NEGR1: variants seen among roughly 807,000 people sequenced by gnomAD.
NEGR1 encodes the protein IgLON family member 4.
In NEGR1, 10 loss-of-function variants were observed where a neutral mutation model predicts 40.9. The ratio of observed to expected loss-of-function variants is 0.24; its 90% CI spans 0.15 to 0.42. NEGR1 has a LOEUF of 0.42. Ranked by LOEUF, NEGR1 falls within the 10% of genes least tolerant of loss-of-function variation. The pLI, the probability that NEGR1 is intolerant of heterozygous loss-of-function variation, is 1.00. For synonymous variants in NEGR1, 185 were observed against 166.8 expected, an observed-to-expected ratio of 1.11 and a Z score of -0.84; for missense variants, 352 against 438.9, an observed-to-expected ratio of 0.80 and a Z score of 1.77.
chr1:71,706,829 T>C (rs1653917040), intron 3 of NEGR1, among the ~76,000 whole-genome samples: 1 of 151,912 alleles, frequency 6.6e-6, no homozygotes, highest in Non-Finnish European at 1.5e-5. Context: ...CACTGGGCCC[T>C]GAATAACCAG....
At chr1:71,685,373 A>G (rs1401017114) in intron 4 of NEGR1, among the ~76,000 whole-genome samples, 1 of 141,316 alleles carries the variant, frequency 7.1e-6, no homozygotes, top group African/African-American at 2.6e-5. Flanking sequence ...CCCAGGCTGG[A>G]GTGCAATGGC....
chr1:71,744,135 T>C (rs1655304822), intron 3 of NEGR1, among the ~76,000 whole-genome samples: 1 of 152,006 alleles, frequency 6.6e-6, no homozygotes. Context: ...TTATTTAGTA[T>C]TATTTATTTT....
At position 71,398,714 on chromosome 1, in the gene NEGR1, G is replaced by T. The variant is rs1408626570; in HGVS notation, c.*8732C>A. On this transcript the variant is annotated 3_prime_UTR_variant, in exon 7 of 7. Transcript: ENST00000357731. ...AGCATGATTGGTTTTGAAATGTGAG[G>T]ACATGAGATTTGGGAGGGACCAGGG... 6.6e-6 allele frequency: 1 copy of T among 152,186 alleles called. No individual in the cohort carries two copies. Among genetic ancestry groups the T allele is most frequent in the Non-Finnish European group, 1.5e-5 (1 of 68,050 alleles). The allele number at this position is 152,186 out of a possible 1,614,324, so 9.4% of individuals were successfully genotyped here. A position where few individuals can be genotyped will look rare whatever the true frequency, so the allele number is the denominator to read the frequency against.
chr1:72,187,552 C>T (rs74322741), intron 1 of NEGR1, among the ~76,000 whole-genome samples: 2,221 of 151,474 alleles, frequency 0.015, 49 homozygotes, highest in African/African-American at 0.05. Flanking sequence ...AGTTGCTCTA[C>T]TTTCTTTTTC....
intron 2 of NEGR1, among the ~76,000 whole-genome samples, chr1:71,855,854 TG>T (rs376165920): frequency 1.3e-5 from 2 of 151,996 alleles, no homozygotes; most frequent in Non-Finnish European, 2.9e-5. Context: ...GAGCACCTTA[TG>T]TTGGAGTATG....
At chr1:71,873,063 C>T (rs1378875517) in intron 2 of NEGR1, among the ~76,000 whole-genome samples, 2 of 137,298 alleles carry the variant, frequency 1.5e-5, no homozygotes, top group Non-Finnish European at 3.0e-5. Flanking sequence ...AATTCCTAAA[C>T]TGGAAAACGG....
chr1:71,457,929 C>T (rs886816593), intron 6 of NEGR1, among the ~76,000 whole-genome samples: 1 of 152,176 alleles, frequency 6.6e-6, no homozygotes, highest in African/African-American at 2.4e-5. Flanking sequence ...GTCTTGATCT[C>T]GTGACCTCGT....
chr1:71,790,904 T>A (rs932047987), intron 2 of NEGR1, among the ~76,000 whole-genome samples: 2 of 151,820 alleles, frequency 1.3e-5, no homozygotes, highest in African/African-American at 4.8e-5. Context: ...AAAAATGAGA[T>A]CTGAGGGAGG....
intron 1 of NEGR1, among the ~76,000 whole-genome samples, chr1:72,171,011 G>A (rs2100394065): frequency 6.6e-6 from 1 of 152,160 alleles, no homozygotes; most frequent in Non-Finnish European, 1.5e-5. Context: ...GCAGGCTATT[G>A]GTATTTCCTT....
intron 5 of NEGR1, among the ~76,000 whole-genome samples, chr1:71,599,931 C>A (rs977625420): frequency 2.6e-5 from 4 of 152,168 alleles, no homozygotes; most frequent in Non-Finnish European, 4.4e-5. Flanking sequence ...TGGCCTATGA[C>A]TGGATTTCTC....
chr1:72,214,105 T>A (rs1314187652), intron 1 of NEGR1, among the ~76,000 whole-genome samples: 1 of 151,726 alleles, frequency 6.6e-6, no homozygotes, highest in Non-Finnish European at 1.5e-5. Context: ...ACAGAAACAA[T>A]GACAAAAACA....
At chr1:71,612,418 T>A (rs1025002380) in intron 4 of NEGR1, among the ~76,000 whole-genome samples, 1 of 152,154 alleles carries the variant, frequency 6.6e-6, no homozygotes, top group African/African-American at 2.4e-5. Flanking sequence ...ACTTTTTTTT[T>A]TATCCTTCAC....
chr1:71,504,814 A>T (rs1294156642), intron 6 of NEGR1, among the ~76,000 whole-genome samples: 2 of 152,140 alleles, frequency 1.3e-5, no homozygotes, highest in Non-Finnish European at 2.9e-5. Flanking sequence ...GAGCACACTG[A>T]AGGGTCATTC....
intron 6 of NEGR1, among the ~76,000 whole-genome samples, chr1:71,411,038 T>C (rs904055439): frequency 6.6e-6 from 1 of 152,140 alleles, no homozygotes; most frequent in Admixed American, 6.5e-5. Context: ...GTCAAGAATG[T>C]CTAGAAGCCA....
At chr1:72,055,798 TTA>T (rs3080199) in intron 1 of NEGR1, among the ~76,000 whole-genome samples, 2,310 of 146,032 alleles carry the variant, frequency 0.016, 56 homozygotes, top group African/African-American at 0.055. Context: ...ATTATATATA[TTA>T]TATATATATA....
At chr1:71,445,048 A>G (rs936617732) in intron 6 of NEGR1, among the ~76,000 whole-genome samples, 5 of 152,176 alleles carry the variant, frequency 3.3e-5, no homozygotes, top group African/African-American at 4.8e-5. Flanking sequence ...CATACACACA[A>G]TAAATAAATG....
chr1:72,255,643 C>T (rs967637054), intron 1 of NEGR1, among the ~76,000 whole-genome samples: 13 of 151,554 alleles, frequency 8.6e-5, no homozygotes, highest in African/African-American at 1.7e-4. Context: ...TCCGCCCTCC[C>T]GGGTTCAAGC....
intron 1 of NEGR1, among the ~76,000 whole-genome samples, chr1:72,000,986 G>C (rs1646552633): frequency 6.6e-6 from 1 of 152,054 alleles, no homozygotes; most frequent in East Asian, 1.9e-4. Context: ...AGGCTATCCA[G>C]GAGACTTGCT....
At position 72,185,365 on chromosome 1, in the gene NEGR1, C is replaced by A. The variant is rs1212368457; in HGVS notation, c.176+96954G>T. Among the ~76,000 whole-genome samples, 3 of 151,856 alleles carry A rather than the reference C, an allele frequency of 2.0e-5. No individual in the cohort carries two copies. The East Asian group carries it at 5.8e-4, about 29-fold the overall frequency. On this transcript the variant is annotated intron_variant, in intron 1 of 6. Coordinates refer to ENST00000357731, the MANE Select transcript of NEGR1 (RefSeq NM_173808.3). ...GTGAAGACTGTGCATAATAGTTCAA[C>A]AAAATATGACATAATCCAAGAGCTG...
Sources: gnomAD v4.1 joint callset for allele counts (sites outside exome capture counted in the v4.1 genomes callset) on GRCh38, gnomAD v4.1.1 for gene constraint, MANE v1.5 for transcripts, NCBI Gene and HGNC (gene_info 2026-07-23, HGNC 2026-07-21) for gene names.